The following TANC2 variants were observed in gnomAD, a reference collection of about 807,000 sequenced individuals.
TANC2 encodes protein TANC2.
In TANC2, 26 loss-of-function variants were observed where a neutral mutation model predicts 210.5. The observed-to-expected ratio is 0.12, with a 90% CI of 0.09 to 0.17. The LOEUF is 0.17. Among genes scored for constraint, TANC2 ranks in the 10% least tolerant of loss-of-function variants. The probability of loss-of-function intolerance (pLI) is 1.00; values close to 1 mark genes in which losing one functional copy is unlikely to be tolerated. For synonymous variants in TANC2, 931 were observed against 967.1 expected (o/e 0.96, Z 0.69); for missense variants, 2,129 against 2,608.9 (o/e 0.82, Z 4.01).
chr17:63,038,660 A>T (rs1028665216), intron 2 of TANC2, among the ~76,000 whole-genome samples: 4 of 151,396 alleles, frequency 2.6e-5, no homozygotes, highest in African/African-American at 7.3e-5. Flanking sequence ...CTTTTTCATA[A>T]TTTTTTTTTA....
chr17:62,981,829 T>C (rs1328245572), intron 1 of TANC2, among the ~76,000 whole-genome samples: 1 of 152,208 alleles, frequency 6.6e-6, no homozygotes, highest in Admixed American at 6.5e-5. Context: ...TAGGTTTGAT[T>C]ATGGCTTAAT....
intron 2 of TANC2, among the ~76,000 whole-genome samples, chr17:63,062,843 A>AT (rs1430579049): frequency 1.3e-5 from 2 of 152,110 alleles, no homozygotes; most frequent in East Asian, 3.9e-4. Flanking sequence ...GTGTGGGGGC[A>AT]TTTTTTCCCC....
At chr17:63,332,388 G>T in intron 11 of TANC2, 1 of 305,114 alleles carries the variant, frequency 3.3e-6, no homozygotes, top group Non-Finnish European at 6.4e-6. Flanking sequence ...ATTTCATTTA[G>T]CAACAACAGG....
chr17:63,247,200 A>G (rs999520043), intron 8 of TANC2, among the ~76,000 whole-genome samples: 5 of 152,074 alleles, frequency 3.3e-5, no homozygotes, highest in East Asian at 1.9e-4. Flanking sequence ...TGTATTTGCA[A>G]ATACTTCAGT....
At chr17:63,042,465 G>T (rs1407846429) in intron 2 of TANC2, among the ~76,000 whole-genome samples, 4 of 152,054 alleles carry the variant, frequency 2.6e-5, no homozygotes, top group African/African-American at 9.7e-5. Context: ...AAACAAAATG[G>T]CTGGCAAGGA....
At chr17:63,174,804 A>G (rs2040522210) in intron 5 of TANC2, among the ~76,000 whole-genome samples, 1 of 152,242 alleles carries the variant, frequency 6.6e-6, no homozygotes, top group African/African-American at 2.4e-5. Context: ...TGAGGTCACT[A>G]TATAAAAATG....
At chr17:63,296,246 T>G (rs2044532428) in intron 9 of TANC2, among the ~76,000 whole-genome samples, 1 of 152,158 alleles carries the variant, frequency 6.6e-6, no homozygotes, top group Non-Finnish European at 1.5e-5. Context: ...GAGTGCCTAA[T>G]GAAGAAAGAG....
chr17:63,422,200 C>G, exon 28 of TANC2: 1 of 449,536 alleles, frequency 2.2e-6, no homozygotes, highest in Non-Finnish European at 3.9e-6. Context: ...CAGATGCCAA[C>G]GAGGAGATTT....
chr17:62,976,489 A>G (rs2032009553), intron 1 of TANC2, among the ~76,000 whole-genome samples: 1 of 151,676 alleles, frequency 6.6e-6, no homozygotes, highest in Non-Finnish European at 1.5e-5. Context: ...TACTTAATAA[A>G]AAAGGGACTT....
At chr17:63,377,974 G>C (rs1007517135) in intron 14 of TANC2, among the ~76,000 whole-genome samples, 91 of 152,286 alleles carry the variant, frequency 6.0e-4, no homozygotes, top group African/African-American at 2.0e-3. Flanking sequence ...CATGAGAACA[G>C]CATGGGGTAA....
At chr17:63,166,325 GAGAGAT>G (rs1401352756) in intron 5 of TANC2, among the ~76,000 whole-genome samples, 16 of 146,384 alleles carry the variant, frequency 1.1e-4, no homozygotes, top group Non-Finnish European at 2.2e-4. Flanking sequence ...GAGAGAGAGA[GAGAGAT>G]AGAGATTGTT....
chr17:62,983,484 G>A, intron 1 of TANC2, among the ~76,000 whole-genome samples: 1 of 151,888 alleles, frequency 6.6e-6, no homozygotes, highest in Non-Finnish European at 1.5e-5. Flanking sequence ...TGATTGCTCT[G>A]GCTAGGAATT....
intron 9 of TANC2, among the ~76,000 whole-genome samples, chr17:63,299,550 T>G (rs1342454173): frequency 6.6e-6 from 1 of 151,508 alleles, no homozygotes; most frequent in Non-Finnish European, 1.5e-5. Flanking sequence ...TTTTTTTTTT[T>G]TGTATGCTTG....
chr17:62,983,910 A>T (rs2143465053), intron 1 of TANC2, among the ~76,000 whole-genome samples: 1 of 151,884 alleles, frequency 6.6e-6, no homozygotes, highest in South Asian at 2.1e-4. Context: ...TTCATTAGGG[A>T]TATTGGCTTG....
At chr17:63,161,461 CT>C (rs1175643589) in intron 5 of TANC2, among the ~76,000 whole-genome samples, 61 of 152,252 alleles carry the variant, frequency 4.0e-4, no homozygotes, top group Non-Finnish European at 1.5e-5. Flanking sequence ...AAATCTAATG[CT>C]TGTTTCCAGT....
intron 10 of TANC2, 103 bp from the exon 11 acceptor site, chr17:63,318,854 T>A (rs1200379343): frequency 1.4e-5 from 19 of 1,341,788 alleles, no homozygotes; most frequent in Non-Finnish European, 1.9e-5. Flanking sequence ...AAGTATATAC[T>A]TAGGAGCAGA....
At chr17:63,049,821 T>A (rs1162593872) in intron 2 of TANC2, among the ~76,000 whole-genome samples, 1 of 151,920 alleles carries the variant, frequency 6.6e-6, no homozygotes, top group African/African-American at 2.4e-5. Flanking sequence ...CTCAGGGTGG[T>A]GGTAGCAGAG....
chr17:63,132,956 A>G (rs1169439472), intron 4 of TANC2, among the ~76,000 whole-genome samples: 1 of 152,022 alleles, frequency 6.6e-6, no homozygotes, highest in Non-Finnish European at 1.5e-5. Context: ...CATATATGCA[A>G]ATAGTAGCAG....
At chr17:63,030,157 T>G (rs2034711043) in intron 2 of TANC2, among the ~76,000 whole-genome samples, 1 of 152,148 alleles carries the variant, frequency 6.6e-6, no homozygotes, top group Admixed American at 6.6e-5. Context: ...ACTTGAACTT[T>G]TTAGAGGAAA....
Sources: allele counts gnomAD v4.1 joint callset (sites outside exome capture counted in the v4.1 genomes callset), GRCh38; gene constraint gnomAD v4.1.1; transcripts MANE v1.5; gene names NCBI Gene and HGNC (gene_info 2026-07-23, HGNC 2026-07-21).